The following EPSTI1 variants were observed in gnomAD, a reference collection of about 807,000 sequenced individuals.
EPSTI1 encodes the protein epithelial-stromal interaction protein 1.
EPSTI1 carries 66 observed loss-of-function variants against 49.9 expected under a neutral mutation model. That is an observed-to-expected ratio of 1.32 (90% CI 1.08 to 1.62). The LOEUF is 1.62. Ranked by LOEUF, EPSTI1 falls within the 40% of genes most tolerant of loss-of-function variation. The probability of loss-of-function intolerance (pLI) is 0.00; values close to 1 mark genes in which losing one functional copy is unlikely to be tolerated. For missense variants in EPSTI1, 394 were observed against 365.5 expected (o/e 1.08, Z -0.64); for synonymous variants, 137 against 130.7 (o/e 1.05, Z -0.33).
At chr13:42,960,640 T>C (rs1386914037) in intron 5 of EPSTI1, among the ~76,000 whole-genome samples, 1 of 152,116 alleles carries the variant, frequency 6.6e-6, no homozygotes, top group East Asian at 1.9e-4. Flanking sequence ...AGGTCAGAAG[T>C]ACAAAACGGG....
intron 4 of EPSTI1, 74 bp downstream of exon 4, chr13:42,963,992 T>C: frequency 7.8e-7 from 1 of 1,282,226 alleles, no homozygotes; most frequent in Non-Finnish European, 1.1e-6. Flanking sequence ...GTTACTGTGT[T>C]ATTTCACAGT....
chr13:42,932,838 C>T (rs978648371), intron 6 of EPSTI1, among the ~76,000 whole-genome samples: 2 of 152,172 alleles, frequency 1.3e-5, no homozygotes, highest in Non-Finnish European at 2.9e-5. Flanking sequence ...TCATCATGTA[C>T]CCTCTGATGC....
At chr13:42,934,767 GC>G (rs2063699007) in intron 6 of EPSTI1, 2 of 190,628 alleles carry the variant, frequency 1.0e-5, no homozygotes, top group Non-Finnish European at 2.3e-5. Context: ...CCCCCTCATG[GC>G]CTGGCCCCCA....
intron 1 of EPSTI1, among the ~76,000 whole-genome samples, chr13:42,986,042 G>A (rs1276348335): frequency 6.6e-6 from 1 of 152,222 alleles, no homozygotes; most frequent in Non-Finnish European, 1.5e-5. Flanking sequence ...GCTGCCCAGA[G>A]GGCGTATAAG....
intron 8 of EPSTI1, among the ~76,000 whole-genome samples, chr13:42,914,058 A>G (rs2037761218): frequency 6.6e-6 from 1 of 152,200 alleles, no homozygotes; most frequent in South Asian, 2.1e-4. Flanking sequence ...TTTTCTGTAT[A>G]GCCTGTAGAA....
At chr13:42,918,737 T>C (rs1009231894) in intron 7 of EPSTI1, among the ~76,000 whole-genome samples, 6 of 152,242 alleles carry the variant, frequency 3.9e-5, no homozygotes, top group African/African-American at 7.2e-5. Context: ...CAAACCCTGC[T>C]GCATTGGGCA....
intron 6 of EPSTI1, among the ~76,000 whole-genome samples, chr13:42,946,777 G>A (rs545022790): frequency 2.6e-5 from 4 of 152,308 alleles, no homozygotes; most frequent in East Asian, 1.9e-4. Flanking sequence ...TCTGAGCACC[G>A]TCTCCTGTCA....
intron 6 of EPSTI1, among the ~76,000 whole-genome samples, chr13:42,943,456 G>T (rs1263804335): frequency 6.6e-6 from 1 of 152,168 alleles, no homozygotes; most frequent in Non-Finnish European, 1.5e-5. Flanking sequence ...CTTCTTCTGA[G>T]TTAGCAGTTA....
At chr13:42,915,068 A>G (rs911102392) in intron 8 of EPSTI1, among the ~76,000 whole-genome samples, 1 of 152,242 alleles carries the variant, frequency 6.6e-6, no homozygotes, top group African/African-American at 2.4e-5. Flanking sequence ...GAATTATTCC[A>G]TAGTAGGTAT....
chr13:42,896,089 T>C (rs1285450455), intron 9 of EPSTI1, among the ~76,000 whole-genome samples: 3 of 152,188 alleles, frequency 2.0e-5, no homozygotes, highest in African/African-American at 7.2e-5. Flanking sequence ...AGGGGGTTTC[T>C]GGCTGTCTGC....
chr13:42,928,816 C>A (rs772108140), intron 6 of EPSTI1, among the ~76,000 whole-genome samples: 1 of 152,166 alleles, frequency 6.6e-6, no homozygotes, highest in East Asian at 1.9e-4. Flanking sequence ...TGAGTCTTGA[C>A]CAATGGAATG....
chr13:42,913,582 A>C (rs1294930644), intron 8 of EPSTI1, among the ~76,000 whole-genome samples: 1 of 152,220 alleles, frequency 6.6e-6, no homozygotes, highest in East Asian at 1.9e-4. Context: ...TGGAATTCTC[A>C]TGAAGAGTTA....
At chr13:42,889,009 G>A (rs527239255) in intron 10 of EPSTI1, among the ~76,000 whole-genome samples, 1 of 152,134 alleles carries the variant, frequency 6.6e-6, no homozygotes, top group East Asian at 1.9e-4. Context: ...GCAGTGCTGG[G>A]CCACGCTACG....
intron 2 of EPSTI1, 132 bp downstream of exon 2, chr13:42,970,479 TA>T (rs998230984): frequency 3.9e-5 from 27 of 698,228 alleles, no homozygotes; most frequent in Non-Finnish European, 4.7e-5. Flanking sequence ...TAATCAAAAC[TA>T]AAAAAAACAA....
intron 1 of EPSTI1, among the ~76,000 whole-genome samples, chr13:42,988,350 A>G (rs1048037579): frequency 8.5e-5 from 13 of 152,350 alleles, no homozygotes; most frequent in Non-Finnish European, 1.8e-4. Context: ...ATATTTAAGG[A>G]CAAGACAAAA....
intron 2 of EPSTI1, chr13:42,969,983 A>G (rs895109825): frequency 7.9e-5 from 12 of 152,244 alleles, no homozygotes; most frequent in African/African-American, 2.2e-4. Context: ...TGTGATTGTC[A>G]TATTCTGCAC....
Position 42,983,563 on chromosome 13 carries a change from C to CAAAAAAAAAAAAAAAAA in EPSTI1, c.188+8398_188+8414dup, listed in dbSNP as rs56259281. Among the ~76,000 whole-genome samples, 62 of 95,484 alleles carry CAAAAAAAAAAAAAAAAA rather than the reference C, an allele frequency of 6.5e-4. 1 individual carries two copies. Among genetic ancestry groups the CAAAAAAAAAAAAAAAAA allele is most frequent in the African/African-American group, 1.0e-3 (19 of 18,308 alleles). The allele number at this position is 95,484 out of a possible 152,430, so 62.6% of individuals were successfully genotyped here. A position where few individuals can be genotyped will look rare whatever the true frequency, so the allele number is the denominator to read the frequency against. On this transcript the variant is annotated intron_variant, in intron 1 of 10. Transcript: ENST00000313624. Reference sequence around the variant, plus strand: ...TGGGCAACAGAGCGAGACTCCATCTCAAAAAAAAAAAAAAAAAAAAAAAAA... The same window carrying CAAAAAAAAAAAAAAAAA: ...TGGGCAACAGAGCGAGACTCCATCTCAAAAAAAAAAAAAAAAAAAAAAAAAAAAAAAAAAAAAAAAAA...
chr13:42,949,022 G>A (rs9533318), intron 6 of EPSTI1, among the ~76,000 whole-genome samples: 46,026 of 151,928 alleles, frequency 0.3, 7,396 homozygotes, highest in East Asian at 0.51. Flanking sequence ...TAAAATAGAC[G>A]TCATAGACTG....
intron 1 of EPSTI1, among the ~76,000 whole-genome samples, chr13:42,982,849 G>C (rs1413573203): frequency 6.6e-6 from 1 of 152,084 alleles, no homozygotes; most frequent in Non-Finnish European, 1.5e-5. Context: ...ATTTCAGAGG[G>C]ATCCTCCCTC....
Sources: allele counts gnomAD v4.1 joint callset (sites outside exome capture counted in the v4.1 genomes callset), GRCh38; gene constraint gnomAD v4.1.1; transcripts MANE v1.5; gene names NCBI Gene and HGNC (gene_info 2026-07-23, HGNC 2026-07-21).